The following RAB1A variants were observed in gnomAD, a reference collection of about 807,000 sequenced individuals.
RAB1A encodes the protein RAB1A, member RAS oncogene family.
A neutral mutation model predicts 26.0 loss-of-function variants in RAB1A; 2 were observed. That is an observed-to-expected ratio of 0.08 (90% CI 0.03 to 0.24). The LOEUF (loss-of-function observed/expected upper bound fraction) is 0.24. Among genes scored for constraint, RAB1A ranks in the 10% least tolerant of loss-of-function variants. RAB1A has a pLI of 1.00. For synonymous variants in RAB1A, 84 were observed against 84.9 expected (o/e 0.99, Z 0.06); for missense variants, 100 against 247.0 (o/e 0.40, Z 3.99).
intron 2 of RAB1A, among the ~76,000 whole-genome samples, chr2:65,101,583 T>TCC (rs1669428008): frequency 6.6e-6 from 1 of 152,110 alleles, no homozygotes; most frequent in Admixed American, 6.6e-5. Context: ...GCTAGATTCT[T>TCC]CCCACCTACC....
Position 65,129,933 on chromosome 2 carries a change from CGCCGCCACCGCCGCCCTTGCT to C in RAB1A, c.-39_-19del. On this transcript the variant is annotated 5_prime_UTR_variant, in exon 1 of 6. Coordinates refer to ENST00000409784, the MANE Select transcript of RAB1A (RefSeq NM_004161.5). ...CTGGACATGTCACTGCAGCTGCCGCCGCCGCCACCGCCGCCCTTGCTGCCGCAGCCGCCGCCCTGACTCTCC... is the reference window on the plus strand; with the variant it reads ...CTGGACATGTCACTGCAGCTGCCGCCGCCGCAGCCGCCGCCCTGACTCTCC... 4 of 1,580,578 alleles carry C rather than the reference CGCCGCCACCGCCGCCCTTGCT, an allele frequency of 2.5e-6. No individual in the cohort carries two copies. Among genetic ancestry groups the C allele is most frequent in the Non-Finnish European group, 3.4e-6 (4 of 1,165,046 alleles).
intron 1 of RAB1A, among the ~76,000 whole-genome samples, chr2:65,112,625 A>C (rs1166670797): frequency 6.6e-6 from 1 of 152,200 alleles, no homozygotes; most frequent in Non-Finnish European, 1.5e-5. Context: ...ATTTTATTTT[A>C]ATTTAAAAAG....
At chr2:65,125,703 T>G (rs955547553) in intron 1 of RAB1A, among the ~76,000 whole-genome samples, 1 of 151,730 alleles carries the variant, frequency 6.6e-6, no homozygotes. Flanking sequence ...CGTGAGCCAC[T>G]GCGCCTGGCC....
At chr2:65,109,362 A>G (rs981936768) in intron 1 of RAB1A, among the ~76,000 whole-genome samples, 2 of 152,150 alleles carry the variant, frequency 1.3e-5, no homozygotes, top group Admixed American at 6.5e-5. Flanking sequence ...CTACAATAAT[A>G]TAATTTTGAC....
At chr2:65,119,354 A>G (rs564703168) in intron 1 of RAB1A, among the ~76,000 whole-genome samples, 1 of 152,046 alleles carries the variant, frequency 6.6e-6, no homozygotes, top group Admixed American at 6.6e-5. Context: ...AAAAATACAC[A>G]AAATTAGCCG....
chr2:65,093,502 G>A (rs1029786401), intron 3 of RAB1A, among the ~76,000 whole-genome samples: 3 of 151,960 alleles, frequency 2.0e-5, no homozygotes, highest in African/African-American at 7.3e-5. Flanking sequence ...AAGCTGAAAG[G>A]AAAAGATAAT....
At chr2:65,128,654 C>T in intron 1 of RAB1A, among the ~76,000 whole-genome samples, 1 of 152,154 alleles carries the variant, frequency 6.6e-6, no homozygotes, top group East Asian at 1.9e-4. Flanking sequence ...TGACAGTCAG[C>T]TAAACTGGTG....
At chr2:65,109,499 T>A (rs1669645092) in intron 1 of RAB1A, among the ~76,000 whole-genome samples, 1 of 150,480 alleles carries the variant, frequency 6.6e-6, no homozygotes, top group Admixed American at 6.6e-5. Flanking sequence ...AGGTCAGGAG[T>A]TCAAGACCAG....
chr2:65,110,081 T>A (rs1669659927), intron 1 of RAB1A, among the ~76,000 whole-genome samples: 1 of 152,190 alleles, frequency 6.6e-6, no homozygotes, highest in African/African-American at 2.4e-5. Context: ...ATTTGTGCCA[T>A]CCTTGATTAA....
chr2:65,129,845 C>A (rs1670196883), intron 1 of RAB1A, 48 bp downstream of exon 1: 1 of 1,574,190 alleles, frequency 6.4e-7, no homozygotes, highest in East Asian at 2.4e-5. Flanking sequence ...TTTAAGATCC[C>A]CCAAGCTGGC....
At chr2:65,100,236 T>C (rs1420235655) in intron 2 of RAB1A, among the ~76,000 whole-genome samples, 1 of 149,950 alleles carries the variant, frequency 6.7e-6, no homozygotes, top group South Asian at 2.1e-4. Context: ...CTCATCTCTA[T>C]TAAAAATACA....
intron 2 of RAB1A, among the ~76,000 whole-genome samples, chr2:65,103,191 C>T (rs1418461999): frequency 1.3e-5 from 2 of 151,084 alleles, no homozygotes; most frequent in African/African-American, 4.9e-5. Context: ...ATGGCGCATC[C>T]ACTTGGGAGG....
At chr2:65,115,977 A>G (rs1172350472) in intron 1 of RAB1A, among the ~76,000 whole-genome samples, 1 of 151,954 alleles carries the variant, frequency 6.6e-6, no homozygotes, top group Admixed American at 6.6e-5. Context: ...CCAACAAGGT[A>G]AAACCCTATC....
intron 1 of RAB1A, among the ~76,000 whole-genome samples, chr2:65,118,965 G>A (rs1165308188): frequency 2.5e-4 from 38 of 151,896 alleles, no homozygotes; most frequent in Admixed American, 2.5e-3. Flanking sequence ...AAAGAGTGAG[G>A]ATTGCTTGAG....
At chr2:65,099,873 G>A (rs1669377460) in intron 2 of RAB1A, among the ~76,000 whole-genome samples, 1 of 151,852 alleles carries the variant, frequency 6.6e-6, no homozygotes, top group South Asian at 2.1e-4. Flanking sequence ...ACAGAAAGAG[G>A]GACAAACAAA....
intron 2 of RAB1A, among the ~76,000 whole-genome samples, chr2:65,101,846 T>G (rs1424598422): frequency 1.4e-5 from 2 of 146,528 alleles, no homozygotes; most frequent in Non-Finnish European, 3.0e-5. Context: ...GCCTCCTGGG[T>G]TCAAGCAATT....
rs188873806 is a variant in RAB1A at position 65,118,280 on chromosome 2, G to A, written c.23+11613C>T. The stretch of plus-strand genomic sequence containing the variant: ...TTGCACTATTTTGCCATGCTATTCC[G>A]TAAACATATTACAATATTTAACTTG... On this transcript the variant is annotated intron_variant, in intron 1 of 5. Transcript: ENST00000409784. 2.2e-4 allele frequency among the ~76,000 whole-genome samples: 34 copies of A among 152,082 alleles called. 1 individual carries two copies. Among genetic ancestry groups the A allele is most frequent in the Admixed American group, 9.8e-4 (15 of 15,282 alleles).
intron 1 of RAB1A, among the ~76,000 whole-genome samples, chr2:65,110,780 T>C (rs1190627056): frequency 6.6e-6 from 1 of 151,536 alleles, no homozygotes; most frequent in Non-Finnish European, 1.5e-5. Flanking sequence ...AAAAATATTT[T>C]TTTTAATTAG....
At chr2:65,096,299 A>C (rs945988128) in intron 3 of RAB1A, among the ~76,000 whole-genome samples, 9 of 152,234 alleles carry the variant, frequency 5.9e-5, no homozygotes, top group Non-Finnish European at 1.2e-4. Context: ...TGGGAGACAG[A>C]GCAATACTGT....
Sources: allele counts gnomAD v4.1 joint callset (sites outside exome capture counted in the v4.1 genomes callset), GRCh38; gene constraint gnomAD v4.1.1; transcripts MANE v1.5; gene names NCBI Gene and HGNC (gene_info 2026-07-23, HGNC 2026-07-21).